Variants in CKMT2 observed in about 807,000 individuals in gnomAD.
CKMT2 encodes the protein creatine kinase S-type, mitochondrial.
A neutral mutation model predicts 48.9 loss-of-function variants in CKMT2; 43 were observed. That is an observed-to-expected ratio of 0.88 (90% confidence interval 0.69 to 1.13). CKMT2 has a LOEUF of 1.13. Among genes scored for constraint, CKMT2 ranks in the 50% most tolerant of loss-of-function variants. The pLI is 0.00. For missense variants in CKMT2, 472 were observed against 555.4 expected (o/e 0.85, Z 1.51); for synonymous variants, 206 against 213.0 (o/e 0.97, Z 0.29).
intron 1 of CKMT2, among the ~76,000 whole-genome samples, chr5:81,240,496 T>G (rs1364190312): frequency 3.3e-5 from 5 of 152,184 alleles, no homozygotes; most frequent in African/African-American, 1.2e-4. Flanking sequence ...TCCACTCAAA[T>G]CCTTTGCAGT....
At chr5:81,257,143 TGTGTGTGTGTGTG>T (rs1008003757) in intron 6 of CKMT2, 143 bp downstream of exon 6, 12 of 55,174 alleles carry the variant, frequency 2.2e-4, no homozygotes, top group African/African-American at 1.8e-3. Context: ...ACTTGGAAAG[TGTGTGTGTGTGTG>T]TGTGTGTGTG....
chr5:81,248,744 C>G (rs1756696882), intron 1 of CKMT2, among the ~76,000 whole-genome samples: 1 of 152,184 alleles, frequency 6.6e-6, no homozygotes, highest in Non-Finnish European at 1.5e-5. Context: ...ATCTGATTTC[C>G]TGGGCTATCC....
chr5:81,257,873 G>A lies in CKMT2; in HGVS notation c.879+17G>A. ...CTAAAAGAAGTAAGATGTTATCTGA[G>A]ATTTCTGGATATTTATTAAAATAAA... On this transcript the variant is annotated intron_variant, in intron 7 of 9. Coordinates refer to ENST00000254035, the MANE Select transcript of CKMT2 (RefSeq NM_001099735.2). The A allele has an allele frequency of 6.2e-7, 1 of 1,600,490 alleles. No homozygotes were observed. Among genetic ancestry groups the A allele is most frequent in the Non-Finnish European group, 8.5e-7 (1 of 1,172,392 alleles).
At chr5:81,253,114 T>C (rs1340483641) in intron 3 of CKMT2, among the ~76,000 whole-genome samples, 1 of 152,208 alleles carries the variant, frequency 6.6e-6, no homozygotes, top group Non-Finnish European at 1.5e-5. Context: ...GCTGCTGTGC[T>C]AAGATCCCTC....
chr5:81,240,097 CAG>C (rs1460302479), intron 1 of CKMT2, among the ~76,000 whole-genome samples: 1 of 151,988 alleles, frequency 6.6e-6, no homozygotes, highest in African/African-American at 2.4e-5. Flanking sequence ...TGAAACATAT[CAG>C]TGTCATTCAC....
intron 4 of CKMT2, 110 bp from the exon 5 acceptor site, chr5:81,254,882 AG>A: frequency 3.4e-6 from 3 of 880,542 alleles, no homozygotes; most frequent in South Asian, 2.7e-5. Context: ...AGTCGTGCAC[AG>A]TGCCTGAGGG....
intron 1 of CKMT2, chr5:81,242,263 G>A: frequency 3.7e-6 from 1 of 270,888 alleles, no homozygotes; most frequent in Non-Finnish European, 7.2e-6. Flanking sequence ...AGAAATGTGT[G>A]TCACATCATA....
intron 3 of CKMT2, 120 bp from the exon 4 acceptor site, chr5:81,254,276 A>G (rs1339522180): frequency 6.9e-6 from 5 of 721,446 alleles, no homozygotes; most frequent in Non-Finnish European, 1.2e-5. Context: ...TAGTCCTGAA[A>G]ATTTCAGAGA....
At chr5:81,252,348 G>A (rs765081242) in intron 2 of CKMT2, 1 of 270,910 alleles carries the variant, frequency 3.7e-6, no homozygotes, top group African/African-American at 2.2e-5. Flanking sequence ...GACATGACTT[G>A]TGTTTGAGGC....
chr5:81,250,398 A>G (rs544879319), intron 1 of CKMT2, among the ~76,000 whole-genome samples: 4 of 152,314 alleles, frequency 2.6e-5, no homozygotes. Context: ...AGCAGTCTAC[A>G]TCTGCTATTT....
rs186662361 is a variant in CKMT2 at position 81,235,512 on chromosome 5, C to T, written c.-21+2135C>T. On this transcript the variant is annotated intron_variant, in intron 1 of 9. Coordinates refer to ENST00000254035, the MANE Select transcript of CKMT2 (RefSeq NM_001099735.2). ...TGGCTGAGGAGTTCAGACACATGGACGCTGTGAATGGCTGGACCAGAAATA... is the reference window on the plus strand; with the variant it reads ...TGGCTGAGGAGTTCAGACACATGGATGCTGTGAATGGCTGGACCAGAAATA... Among the ~76,000 whole-genome samples the T allele has an allele frequency of 1.4e-4, 22 of 152,262 alleles. 2 individuals carry two copies. Among genetic ancestry groups the T allele is most frequent in the African/African-American group, 5.1e-4 (21 of 41,534 alleles).
At position 81,255,008 on chromosome 5, in the gene CKMT2, T is replaced by G. The variant is rs748903380; in HGVS notation, c.463T>G (p.Phe155Val). Residue 155 changes from phenylalanine (F) to valine (V), a missense_variant, in exon 5 of 10, where the codon TTC (phenylalanine) becomes GTC (valine). By Grantham distance (50) the Phe-to-Val change is conservative (BLOSUM62 -1). Coordinates refer to ENST00000254035, the MANE Select transcript of CKMT2 (RefSeq NM_001099735.2). Reference protein sequence around the residue: ...LDASKITQGQFDEHYVLSSRV... With the variant: ...LDASKITQGQVDEHYVLSSRV... ...TGCTTGGCAGATCACCCAAGGGCAG[T>G]TCGACGAGCATTACGTGCTGTCTTC... The G allele has an allele frequency of 6.2e-7, 1 of 1,613,936 alleles. No individual in the cohort carries two copies. Among genetic ancestry groups the G allele is most frequent in the South Asian group, 1.1e-5 (1 of 91,080 alleles).
intron 6 of CKMT2, among the ~76,000 whole-genome samples, chr5:81,257,371 C>G (rs534134378): frequency 2.0e-5 from 3 of 152,116 alleles, no homozygotes; most frequent in Admixed American, 6.5e-5. Context: ...GTAACCCCCA[C>G]CCGCTTTTTA....
chr5:81,242,985 T>C (rs1756488837), intron 1 of CKMT2, among the ~76,000 whole-genome samples: 1 of 152,206 alleles, frequency 6.6e-6, no homozygotes, highest in Non-Finnish European at 1.5e-5. Context: ...TTTAAATTAT[T>C]ATCTTCTTGT....
chr5:81,262,079 T>C (rs1757242754), intron 8 of CKMT2, among the ~76,000 whole-genome samples: 1 of 151,878 alleles, frequency 6.6e-6, no homozygotes, highest in Non-Finnish European at 1.5e-5. Context: ...TGGCAAAAAC[T>C]AGAAATGGGG....
chr5:81,259,444 T>C (rs1248669568), intron 8 of CKMT2, 190 bp downstream of exon 8: 7 of 446,782 alleles, frequency 1.6e-5, no homozygotes, highest in Admixed American at 4.1e-5. Context: ...TCAGGGGCTG[T>C]AAGAAAAAGA....
intron 3 of CKMT2, 62 bp downstream of exon 3, chr5:81,252,955 C>G: frequency 6.3e-7 from 1 of 1,579,378 alleles, no homozygotes; most frequent in Non-Finnish European, 8.7e-7. Context: ...CTGACTTGCA[C>G]AGTCCTGGGG....
chr5:81,254,636 G>A (rs1756934380), intron 4 of CKMT2, 145 bp downstream of exon 4: 1 of 676,298 alleles, frequency 1.5e-6, no homozygotes, highest in South Asian at 1.8e-5. Context: ...TCCCTCTGGA[G>A]GGCCACAGAG....
At chr5:81,252,609 T>G (rs1363230943) in intron 2 of CKMT2, 86 bp from the exon 3 acceptor site, 2 of 1,397,116 alleles carry the variant, frequency 1.4e-6, no homozygotes, top group Admixed American at 3.4e-5. Context: ...GGGAGCCTAG[T>G]GGAAGGATGG....
Sources: gnomAD v4.1 joint callset for allele counts (sites outside exome capture counted in the v4.1 genomes callset) on GRCh38, gnomAD v4.1.1 for gene constraint, MANE v1.5 for transcripts, NCBI Gene and HGNC (gene_info 2026-07-23, HGNC 2026-07-21) for gene names.